Variants in PRR16 observed in about 807,000 individuals in gnomAD.
The protein encoded by PRR16 is protein Largen.
Under a neutral mutation model 18.2 loss-of-function variants are expected in PRR16, and 6 were observed. That is an observed-to-expected ratio of 0.33 (90% CI 0.18 to 0.65). The LOEUF (loss-of-function observed/expected upper bound fraction) is 0.65. Ranked by LOEUF, PRR16 falls within the 30% of genes least tolerant of loss-of-function variation. PRR16 has a pLI of 0.74. For missense variants in PRR16, 412 were observed against 376.6 expected (o/e 1.09, Z -0.78); for synonymous variants, 151 against 147.8 (o/e 1.02, Z -0.16).
chr5:120,578,535 A>T (rs894809741), intron 1 of PRR16, among the ~76,000 whole-genome samples: 1 of 152,168 alleles, frequency 6.6e-6, no homozygotes, highest in African/African-American at 2.4e-5. Flanking sequence ...GCTGAGGACG[A>T]TGGCTTCCAG....
At chr5:120,500,357 T>A (rs1052437128) in intron 1 of PRR16, among the ~76,000 whole-genome samples, 1 of 152,220 alleles carries the variant, frequency 6.6e-6, no homozygotes, top group Non-Finnish European at 1.5e-5. Flanking sequence ...AGCTTGTCTT[T>A]CTTCTTCTAT....
At chr5:120,692,618 C>T in the PRR16 span, among the ~76,000 whole-genome samples, 1 of 152,156 alleles carries the variant, frequency 6.6e-6, no homozygotes, top group Non-Finnish European at 1.5e-5. Flanking sequence ...CCAAGTCATA[C>T]CCATCACAGT....
chr5:120,700,687 T>C, the PRR16 span, among the ~76,000 whole-genome samples: 1 of 151,712 alleles, frequency 6.6e-6, no homozygotes, highest in Non-Finnish European at 1.5e-5. Flanking sequence ...CCCACAACAG[T>C]TATGGAGGCA....
At chr5:120,655,340 C>A (rs1580838997) in intron 1 of PRR16, among the ~76,000 whole-genome samples, 1 of 146,828 alleles carries the variant, frequency 6.8e-6, no homozygotes. Flanking sequence ...CAAGAATTTT[C>A]AATGGATGAT....
At position 120,631,303 on chromosome 5, in the gene PRR16, C is replaced by T. The variant is rs941823843; in HGVS notation, c.160-54651C>T. Reference sequence around the variant, plus strand: ...TCGTGAACTTTTGCACCAAGAACTACTGCAGGAACATACCAGGAAAGCCAA... The same window carrying T: ...TCGTGAACTTTTGCACCAAGAACTATTGCAGGAACATACCAGGAAAGCCAA... On this transcript the variant is annotated intron_variant, in intron 1 of 1. Transcript: ENST00000407149. Among the ~76,000 whole-genome samples the T allele has an allele frequency of 2.0e-5, 3 of 152,150 alleles. 1 individual carries two copies. The highest frequency in any genetic ancestry group is 2.0e-4 in the Admixed American group (3 of 15,262).
chr5:120,586,744 C>A (rs1753458034), intron 1 of PRR16, among the ~76,000 whole-genome samples: 1 of 152,078 alleles, frequency 6.6e-6, no homozygotes, highest in Admixed American at 6.6e-5. Flanking sequence ...CCTCTCTGTT[C>A]CCTAAGACAC....
chr5:120,525,283 G>C (rs1241372740), intron 1 of PRR16, among the ~76,000 whole-genome samples: 1 of 151,998 alleles, frequency 6.6e-6, no homozygotes, highest in Non-Finnish European at 1.5e-5. Context: ...CATTCTTAAT[G>C]ACTAGGCTAC....
chr5:120,464,557 C>G lies in PRR16; in HGVS notation c.71C>G (p.Thr24Ser). 6.3e-7 allele frequency: 1 copy of G among 1,591,008 alleles called. No homozygotes were observed. Among genetic ancestry groups the G allele is most frequent in the Non-Finnish European group, 8.5e-7 (1 of 1,176,748 alleles). ...PAEGPPAASK[T>S]KVKEQIKIIV... ...GAGGGACCGCCGGCAGCCTCCAAAA[C>G]CAAGGTGAAGGAACAGATCAAGATC... Residue 24 changes from threonine (T) to serine (S), a missense_variant, in exon 1 of 2, where the codon ACC becomes AGC. Physicochemically the swap from Thr to Ser is moderately conservative, Grantham distance 58. Transcript: ENST00000407149.
rs1375202651 is a variant in PRR16 at position 120,593,770 on chromosome 5, C to T, written c.160-92184C>T. 4.0e-5 allele frequency among the ~76,000 whole-genome samples: 6 copies of T among 151,884 alleles called. No individual in the cohort carries two copies. The South Asian group carries it at 6.2e-4, about 16-fold the overall frequency. On this transcript the variant is annotated intron_variant, in intron 1 of 1. Coordinates refer to ENST00000407149, the MANE Select transcript of PRR16 (RefSeq NM_001300783.2). ...AATCCACAAGAAAATACCAACAAACCGAATCTAATAGCACATCAAAAAGTG... is the reference window on the plus strand; with the variant it reads ...AATCCACAAGAAAATACCAACAAACTGAATCTAATAGCACATCAAAAAGTG...
the PRR16 span, among the ~76,000 whole-genome samples, chr5:120,709,737 G>C: frequency 1.3e-5 from 2 of 152,068 alleles, no homozygotes; most frequent in Admixed American, 6.5e-5. Flanking sequence ...ACATAGGATA[G>C]TTGTCTTTCT....
chr5:120,620,906 C>T (rs993388427), intron 1 of PRR16, among the ~76,000 whole-genome samples: 3 of 152,126 alleles, frequency 2.0e-5, no homozygotes, highest in Non-Finnish European at 4.4e-5. Context: ...GTTTAATAAG[C>T]ATCTTAAAAT....
At chr5:120,593,521 G>A (rs1194549821) in intron 1 of PRR16, among the ~76,000 whole-genome samples, 1 of 149,930 alleles carries the variant, frequency 6.7e-6, no homozygotes. Flanking sequence ...ACCCTACCAA[G>A]AAAAAAAAAG....
chr5:120,789,122 A>C, the PRR16 span, among the ~76,000 whole-genome samples: 1 of 152,072 alleles, frequency 6.6e-6, no homozygotes, highest in East Asian at 1.9e-4. Flanking sequence ...AAATACACTT[A>C]AAGGCATTCC....
At position 120,651,663 on chromosome 5, in the gene PRR16, T is replaced by G. The variant is rs1227208115; in HGVS notation, c.160-34291T>G. Among the ~76,000 whole-genome samples the G allele has an allele frequency of 6.6e-5, 10 of 152,014 alleles. 1 individual carries two copies. The highest frequency in any genetic ancestry group is 2.1e-4 in the South Asian group (1 of 4,824). ...TAGATATGTGGCATTATTTCTGAGG[T>G]CTCTGTTCTGTTCCATTGGTCTATA... On this transcript the variant is annotated intron_variant, in intron 1 of 1. Transcript: ENST00000407149.
chr5:120,557,387 A>G (rs1752448938), intron 1 of PRR16, among the ~76,000 whole-genome samples: 1 of 151,914 alleles, frequency 6.6e-6, no homozygotes, highest in South Asian at 2.1e-4. Context: ...TATATAATAC[A>G]TATGTACTTT....
intron 1 of PRR16, among the ~76,000 whole-genome samples, chr5:120,637,317 GAAA>G (rs372136712): frequency 5.3e-4 from 33 of 62,648 alleles, no homozygotes; most frequent in African/African-American, 2.1e-3. Context: ...CCATTATACG[GAAA>G]AAAAAAAAAA....
intron 1 of PRR16, among the ~76,000 whole-genome samples, chr5:120,486,664 G>A (rs1051994059): frequency 1.7e-4 from 26 of 152,146 alleles, no homozygotes; most frequent in African/African-American, 5.8e-4. Context: ...GATCCCATTT[G>A]CCATTTTTGT....
intron 1 of PRR16, among the ~76,000 whole-genome samples, chr5:120,532,218 C>A (rs1269007822): frequency 2.0e-5 from 3 of 152,130 alleles, no homozygotes; most frequent in Non-Finnish European, 1.5e-5. Flanking sequence ...TCCGGCCATG[C>A]CATTTTAGGT....
intron 1 of PRR16, among the ~76,000 whole-genome samples, chr5:120,483,780 C>T (rs937387769): frequency 1.3e-5 from 2 of 151,966 alleles, no homozygotes; most frequent in African/African-American, 4.8e-5. Context: ...ATATAAATTT[C>T]TGAATATCTC....
Sources: gnomAD v4.1 joint callset for allele counts (sites outside exome capture counted in the v4.1 genomes callset) on GRCh38, gnomAD v4.1.1 for gene constraint, MANE v1.5 for transcripts, NCBI Gene and HGNC (gene_info 2026-07-23, HGNC 2026-07-21) for gene names.